ICAM1: variants seen among roughly 807,000 people sequenced by gnomAD.
ICAM1 encodes ICAM-1.
A neutral mutation model predicts 42.3 loss-of-function variants in ICAM1; 28 were observed. The ratio of observed to expected loss-of-function variants is 0.66; its 90% CI spans 0.49 to 0.91. The LOEUF (loss-of-function observed/expected upper bound fraction) is 0.91, where lower values mean the gene tolerates loss of function less well. ICAM1 is among the 40% of genes least tolerant of loss of function. The probability of loss-of-function intolerance (pLI) is 0.00; values close to 1 mark genes in which losing one functional copy is unlikely to be tolerated. For synonymous variants in ICAM1, 304 were observed against 305.9 expected (o/e 0.99, Z 0.07); for missense variants, 637 against 688.6 (o/e 0.93, Z 0.84).
At chr19:10,276,438 A>G (rs1368285097) in intron 2 of ICAM1, among the ~76,000 whole-genome samples, 5 of 149,232 alleles carry the variant, frequency 3.4e-5, no homozygotes, top group Non-Finnish European at 7.4e-5. Flanking sequence ...CCAGCTACTC[A>G]GGAGGCTGAG....
In ICAM1 at chr19:10,284,710, GAAGGTCCCAT is replaced by G. The variant is rs1038470076; in HGVS notation, c.1180+60_1181-57del. ...CTATCCCCCAAGGCCCAATCTCCCTGAAGGTCCCATAAGGTCTTGCCTCCAAGTCCTGCCC... is the reference window on the plus strand; with the variant it reads ...CTATCCCCCAAGGCCCAATCTCCCTGAAGGTCTTGCCTCCAAGTCCTGCCC... On this transcript the variant is annotated intron_variant, in intron 5 of 6. Transcript: ENST00000264832. This position sits in a 1 kb window ranked among gnomAD's most constrained non-coding sequence, Gnocchi z 5.4. The G allele has an allele frequency of 1.9e-6, 3 of 1,611,698 alleles. No homozygotes were observed. In the Admixed American group the frequency reaches 5.1e-5, roughly 27 times the overall value.
chr19:10,275,575 G>T (rs1238825876), intron 2 of ICAM1, among the ~76,000 whole-genome samples: 2 of 152,020 alleles, frequency 1.3e-5, no homozygotes, highest in South Asian at 4.1e-4. Context: ...TTTAATAAAA[G>T]ATGCAAATTA....
chr19:10,279,322 T>C (rs1207573064), intron 2 of ICAM1, among the ~76,000 whole-genome samples: 1 of 151,892 alleles, frequency 6.6e-6, no homozygotes, highest in Non-Finnish European at 1.5e-5. Context: ...AGCAAGAGGA[T>C]TGTTTGAGCC....
At chr19:10,281,741 T>C (rs918421674) in intron 2 of ICAM1, among the ~76,000 whole-genome samples, 3 of 124,896 alleles carry the variant, frequency 2.4e-5, no homozygotes, top group Non-Finnish European at 3.5e-5. Context: ...TTTTTTTTTT[T>C]TCCTCTGAGA....
chr19:10,282,365 A>T (rs1228433351), intron 2 of ICAM1: 2 of 152,246 alleles, frequency 1.3e-5, no homozygotes, highest in Non-Finnish European at 2.9e-5. Context: ...CTCCTGCCTC[A>T]GCCTCCCGAG....
Position 10,283,919 on chromosome 19 carries a change from C to T in ICAM1, c.638-114C>T, listed in dbSNP as rs934711513. 4.1e-6 allele frequency: 6 copies of T among 1,455,502 alleles called. No individual in the cohort carries two copies. The African/African-American group carries it at 7.0e-5, about 17-fold the overall frequency. The allele number at this position is 1,455,502 out of a possible 1,614,324, so 90.2% of individuals were successfully genotyped here. On this transcript the variant is annotated intron_variant, in intron 3 of 6. Coordinates refer to ENST00000264832, the MANE Select transcript of ICAM1 (RefSeq NM_000201.3). ...TGCATGTGTTCTAGGCGTATGTGAC[C>T]TAGGCTGCTGAGTGGCCCTGGAAGA...
Position 10,286,564 on chromosome 19 carries a change from C to A in ICAM1, c.*1277C>A, listed in dbSNP as rs2040110024. ...TTTTTTTTCCAGAGACGGGGTCTCGCAACATTGCCCAGACTTCCTTTGTGT... is the reference window on the plus strand; with the variant it reads ...TTTTTTTTCCAGAGACGGGGTCTCGAAACATTGCCCAGACTTCCTTTGTGT... On this transcript the variant is annotated 3_prime_UTR_variant, in exon 7 of 7. Transcript: ENST00000264832. 3 of 171,088 alleles carry A rather than the reference C, an allele frequency of 1.8e-5. No individual in the cohort carries two copies. Among genetic ancestry groups the A allele is most frequent in the Admixed American group, 1.3e-4 (2 of 15,696 alleles). The allele number at this position is 171,088 out of a possible 1,614,324, so 10.6% of individuals were successfully genotyped here.
chr19:10,283,321 C>T (rs1364987073), intron 2 of ICAM1, 160 bp from the exon 3 acceptor site: 2 of 652,256 alleles, frequency 3.1e-6, no homozygotes, highest in Non-Finnish European at 2.6e-6. Context: ...GCCCTCTTAC[C>T]AGTTTTCACT....
chr19:10,277,431 G>A (rs1296098466), intron 2 of ICAM1, among the ~76,000 whole-genome samples: 3 of 151,902 alleles, frequency 2.0e-5, no homozygotes, highest in African/African-American at 7.3e-5. Flanking sequence ...CGCCCGCCTC[G>A]GCCTCCCAAA....
rs201771459 is a variant in ICAM1 at position 10,284,262 on chromosome 19, G to C, written c.867G>C (p.Thr289=). The C allele has an allele frequency of 6.2e-7, 1 of 1,613,940 alleles. No individual in the cohort carries two copies. The highest frequency in any genetic ancestry group is 1.7e-5 in the Admixed American group (1 of 60,024). Residue 289 remains threonine, a synonymous_variant, in exon 4 of 7, where the codon ACG becomes ACC. Coordinates refer to ENST00000264832, the MANE Select transcript of ICAM1 (RefSeq NM_000201.3). The surrounding 1 kb of genome is among the most constrained non-coding windows in gnomAD (Gnocchi z 5.4). ...AGGACGAGGGCACCCAGCGGCTGAC[G>C]TGTGCAGTAATACTGGGGAACCAGA... is the stretch of plus-strand genomic sequence containing the variant. ...TAEDEGTQRL[T]CAVILGNQSQ...
Position 10,283,778 on chromosome 19 carries a change from A to G in ICAM1, c.629A>G (p.Gln210Arg), listed in dbSNP as rs1220318523. The G allele has an allele frequency of 5.6e-6, 9 of 1,603,394 alleles. No individual in the cohort carries two copies. The highest frequency in any genetic ancestry group is 7.7e-6 in the Non-Finnish European group (9 of 1,174,300). The change falls in exon 3 of 7, where the codon CAG becomes CGG. Residue 210 changes from glutamine to arginine, a missense_variant. Transcript: ENST00000264832. ...AACACCTCGGCCCCCTACCAGCTCC[A>G]GACCTTTGGTGAGGATTGAAGAAGC... is the stretch of plus-strand genomic sequence containing the variant. ...FENTSAPYQL[Q>R]TFVLPATPPQ...
chr19:10,284,724 G>T lies in ICAM1; in HGVS notation c.1181-59G>T. The T allele has an allele frequency of 6.2e-7, 1 of 1,609,048 alleles. No individual in the cohort carries two copies. Among genetic ancestry groups the T allele is most frequent in the Non-Finnish European group, 8.5e-7 (1 of 1,178,638 alleles). On this transcript the variant is annotated intron_variant, in intron 5 of 6. Transcript: ENST00000264832. This position sits in a 1 kb window ranked among gnomAD's most constrained non-coding sequence, Gnocchi z 5.4. ...CCAATCTCCCTGAAGGTCCCATAAG[G>T]TCTTGCCTCCAAGTCCTGCCCCCAC...
rs781210616 is a variant in ICAM1 at position 10,284,176 on chromosome 19, C to A, written c.781C>A (p.Pro261Thr). 21 of 1,613,894 alleles carry A rather than the reference C, an allele frequency of 1.3e-5. No homozygotes were observed. Among genetic ancestry groups the A allele is most frequent in the Admixed American group, 1.7e-5 (1 of 60,002 alleles). The change falls in exon 4 of 7, where the codon CCC (proline) becomes ACC (threonine). Residue 261 changes from proline to threonine, a missense_variant. Pro to Thr is a conservative substitution (Grantham distance 38). Transcript: ENST00000264832. The surrounding 1 kb of genome is among the most constrained non-coding windows in gnomAD (Gnocchi z 5.4). ...HLALGDQRLN[P>T]TVTYGNDSFS... ...GGCACTGGGGGACCAGAGGTTGAAC[C>A]CCACAGTCACCTATGGCAACGACTC...
intron 3 of ICAM1, 61 bp from the exon 4 acceptor site, chr19:10,283,971 GC>G: frequency 6.5e-7 from 1 of 1,545,826 alleles, no homozygotes; most frequent in Non-Finnish European, 8.8e-7. Flanking sequence ...GGAATGAAAT[GC>G]CCCAGAGAAG....
Position 10,285,016 on chromosome 19 carries a change from G to A in ICAM1, c.1414G>A (p.Val472Met), listed in dbSNP as rs754970121. The A allele has an allele frequency of 3.7e-6, 6 of 1,613,740 alleles. No individual in the cohort carries two copies. The highest frequency in any genetic ancestry group is 1.7e-5 in the Admixed American group (1 of 59,908). The stretch of plus-strand genomic sequence containing the variant: ...AGGGGAGGTCACCCGCAAGGTGACC[G>A]TGAATGTGCTCTGTGAGTGAGCCGG... Reference protein sequence around the residue: ...TQGEVTRKVTVNVLSPRYEIV... With the variant: ...TQGEVTRKVTMNVLSPRYEIV... Residue 472 changes from valine (V) to methionine (M), a missense_variant, in exon 6 of 7, where the codon GTG becomes ATG. Physicochemically the swap from Val to Met is conservative, Grantham distance 21. Coordinates refer to ENST00000264832, the MANE Select transcript of ICAM1 (RefSeq NM_000201.3).
chr19:10,271,678 T>TGCCCCAAA (rs1326643494), intron 1 of ICAM1, among the ~76,000 whole-genome samples: 1 of 152,160 alleles, frequency 6.6e-6, no homozygotes, highest in Non-Finnish European at 1.5e-5. Flanking sequence ...GCCCCAGGAC[T>TGCCCCAAA]CGATCATGAT....
rs900625084 is a variant in ICAM1, at chr19:10,284,693, C to T, written c.1180+36C>T. ...CTGCTGGTCAATGGCCCCTATCCCC[C>T]AAGGCCCAATCTCCCTGAAGGTCCC... On this transcript the variant is annotated intron_variant, in intron 5 of 6. Coordinates refer to ENST00000264832, the MANE Select transcript of ICAM1 (RefSeq NM_000201.3). The surrounding 1 kb of genome is among the most constrained non-coding windows in gnomAD (Gnocchi z 5.4). The T allele has an allele frequency of 6.2e-7, 1 of 1,612,934 alleles. No homozygotes were observed. The highest frequency in any genetic ancestry group is 1.3e-5 in the African/African-American group (1 of 74,926).
Position 10,283,590 on chromosome 19 carries a change from C to T in ICAM1, c.441C>T (p.Thr147=), listed in dbSNP as rs377323164. The change falls in exon 3 of 7, where the codon ACC becomes ACT. Residue 147 remains threonine (T), a synonymous_variant. Transcript: ENST00000264832. ...VEGGAPRANL[T]VVLLRGEKEL... ...GTGGGGCACCCCGGGCCAACCTCAC[C>T]GTGGTGCTGCTCCGTGGGGAGAAGG... The T allele has an allele frequency of 2.4e-5, 38 of 1,613,780 alleles. No homozygotes were observed. The highest frequency in any genetic ancestry group is 1.7e-4 in the Admixed American group (10 of 59,998).
chr19:10,280,154 A>G (rs1434941199), intron 2 of ICAM1, among the ~76,000 whole-genome samples: 1 of 152,158 alleles, frequency 6.6e-6, no homozygotes, highest in Non-Finnish European at 1.5e-5. Flanking sequence ...AAAGGACTGC[A>G]GGTCAGGGTC....
Sources: gnomAD v4.1 joint callset for allele counts (sites outside exome capture counted in the v4.1 genomes callset) on GRCh38, gnomAD v4.1.1 for gene constraint, Gnocchi (gnomAD v3.1) non-coding constraint, MANE v1.5 for transcripts, NCBI Gene and HGNC (gene_info 2026-07-23, HGNC 2026-07-21) for gene names.